The following COX7B2 variants were observed in gnomAD, a reference collection of about 807,000 sequenced individuals.
COX7B2 encodes cytochrome c oxidase subunit 7B2, also known as cytochrome c oxidase subunit 7B2, mitochondrial.
For synonymous variants in COX7B2, 37 were observed against 32.1 expected (o/e 1.15, Z -0.51); for missense variants, 109 against 95.9 (o/e 1.14, Z -0.57).
chr4:46,784,533 G>A (rs902551375), intron 2 of COX7B2, among the ~76,000 whole-genome samples: 8 of 152,296 alleles, frequency 5.3e-5, no homozygotes, highest in African/African-American at 1.4e-4. Context: ...GCTGAGGCAG[G>A]AGAATTGTTT....
chr4:46,884,384 G>A (rs1457631480), intron 1 of COX7B2, among the ~76,000 whole-genome samples: 1 of 152,114 alleles, frequency 6.6e-6, no homozygotes, highest in Non-Finnish European at 1.5e-5. Context: ...AAAAGTTTCT[G>A]TTCTCTAATG....
intron 2 of COX7B2, among the ~76,000 whole-genome samples, chr4:46,836,332 G>GT: frequency 6.6e-6 from 1 of 151,408 alleles, no homozygotes; most frequent in South Asian, 2.1e-4. Flanking sequence ...TATTCTATAC[G>GT]TTTTTTTCTC....
At chr4:46,758,742 A>G (rs1458343227) in intron 2 of COX7B2, among the ~76,000 whole-genome samples, 1 of 152,130 alleles carries the variant, frequency 6.6e-6, no homozygotes, top group Admixed American at 6.6e-5. Flanking sequence ...GCATTTACTC[A>G]AAGAGTATTT....
intron 1 of COX7B2, among the ~76,000 whole-genome samples, chr4:46,880,819 A>C (rs533370304): frequency 7.5e-6 from 1 of 132,854 alleles, no homozygotes; most frequent in African/African-American, 2.8e-5. Flanking sequence ...CAGGAAGGGG[A>C]ATATCACACT....
intron 1 of COX7B2, among the ~76,000 whole-genome samples, chr4:46,857,061 A>G (rs1424624043): frequency 6.6e-6 from 1 of 152,330 alleles, no homozygotes; most frequent in South Asian, 2.1e-4. Flanking sequence ...TCTTACATGC[A>G]CATCATAACT....
At chr4:46,801,197 T>C (rs748431634) in intron 2 of COX7B2, among the ~76,000 whole-genome samples, 1 of 152,052 alleles carries the variant, frequency 6.6e-6, no homozygotes, top group Non-Finnish European at 1.5e-5. Context: ...CCAAAGAACT[T>C]AGAACTACCA....
intron 1 of COX7B2, among the ~76,000 whole-genome samples, chr4:46,861,644 A>T (rs528483676): frequency 6.6e-6 from 1 of 152,360 alleles, no homozygotes; most frequent in Non-Finnish European, 1.5e-5. Context: ...AATTAGATTT[A>T]TTCTGTAGAA....
chr4:46,863,493 T>C (rs1474834856), intron 1 of COX7B2, among the ~76,000 whole-genome samples: 1 of 152,212 alleles, frequency 6.6e-6, no homozygotes, highest in Non-Finnish European at 1.5e-5. Flanking sequence ...TTCTAGAGAA[T>C]AGTCGCCCAT....
rs569731994 is a variant in COX7B2, at chr4:46,872,047, A to T, written c.-104-27033T>A. Among the ~76,000 whole-genome samples, 12 of 152,330 alleles carry T rather than the reference A, an allele frequency of 7.9e-5. No individual in the cohort carries two copies. In the South Asian group the frequency reaches 2.3e-3, roughly 29 times the overall value. Reference sequence around the variant, plus strand: ...GAAAGTTCATTACAGCACTATTCACAATAGCAAAGTCATGGAATCAATCTA... The same window carrying T: ...GAAAGTTCATTACAGCACTATTCACTATAGCAAAGTCATGGAATCAATCTA... On this transcript the variant is annotated intron_variant, in intron 1 of 2. Transcript: ENST00000355591.
At chr4:46,795,783 C>T (rs1404052736) in intron 2 of COX7B2, among the ~76,000 whole-genome samples, 1 of 17,616 alleles carries the variant, frequency 5.7e-5, no homozygotes, top group African/African-American at 2.7e-4. Context: ...CTGTAAATTA[C>T]CTTGGGCAGT....
At chr4:46,796,696 T>C (rs1718367465) in intron 2 of COX7B2, among the ~76,000 whole-genome samples, 1 of 40,340 alleles carries the variant, frequency 2.5e-5, no homozygotes, top group Admixed American at 3.4e-4. Context: ...CCAACCCAAA[T>C]GTCCAACAAT....
intron 1 of COX7B2, among the ~76,000 whole-genome samples, chr4:46,854,986 ATGT>A (rs1178979406): frequency 1.3e-5 from 2 of 152,094 alleles, no homozygotes; most frequent in African/African-American, 2.4e-5. Context: ...TTCTGTAATA[ATGT>A]TGTACTTTGT....
At chr4:46,879,040 C>T (rs1718532352) in intron 1 of COX7B2, among the ~76,000 whole-genome samples, 1 of 152,212 alleles carries the variant, frequency 6.6e-6, no homozygotes, top group Admixed American at 6.5e-5. Context: ...GACTGACTCT[C>T]AACTTACTAT....
chr4:46,753,777 A>G (rs1354604559), intron 2 of COX7B2, among the ~76,000 whole-genome samples: 1 of 152,012 alleles, frequency 6.6e-6, no homozygotes, highest in African/African-American at 2.4e-5. Context: ...TGAACAGGCA[A>G]CCTACAGAAT....
chr4:46,901,668 C>T (rs2109896704), intron 1 of COX7B2, among the ~76,000 whole-genome samples: 1 of 152,344 alleles, frequency 6.6e-6, no homozygotes, highest in South Asian at 2.1e-4. Context: ...GCTGCACCCT[C>T]ACTAATGCGG....
At chr4:46,896,099 C>A (rs1719739460) in intron 1 of COX7B2, among the ~76,000 whole-genome samples, 1 of 152,178 alleles carries the variant, frequency 6.6e-6, no homozygotes, top group Admixed American at 6.5e-5. Context: ...TTTGCCTAGA[C>A]TTGTGTCACT....
chr4:46,885,557 G>C lies in COX7B2; in HGVS notation c.-105+23603C>G, dbSNP rs143619068. On this transcript the variant is annotated intron_variant, in intron 1 of 2. Coordinates refer to ENST00000355591, the MANE Select transcript of COX7B2 (RefSeq NM_130902.3). ...CTATTCAAGAAACATCAGCTGACCA[G>C]TGATTATAGGCAGGATATTATACCT... is the stretch of plus-strand genomic sequence containing the variant. Among the ~76,000 whole-genome samples, 92 of 152,236 alleles carry C rather than the reference G, an allele frequency of 6.0e-4. 1 individual carries two copies. Among genetic ancestry groups the C allele is most frequent in the African/African-American group, 2.2e-3 (90 of 41,550 alleles).
chr4:46,884,842 G>T (rs1718977003), intron 1 of COX7B2, among the ~76,000 whole-genome samples: 1 of 149,050 alleles, frequency 6.7e-6, no homozygotes, highest in East Asian at 1.9e-4. Flanking sequence ...AGTTCTAAAT[G>T]TATTGAATAT....
intron 1 of COX7B2, among the ~76,000 whole-genome samples, chr4:46,907,159 T>TAA (rs978708025): frequency 2.0e-5 from 3 of 152,156 alleles, no homozygotes; most frequent in African/African-American, 7.2e-5. Flanking sequence ...AAGTAACAAC[T>TAA]AAACTCTTAA....
Sources: allele counts gnomAD v4.1 joint callset (sites outside exome capture counted in the v4.1 genomes callset), GRCh38; gene constraint gnomAD v4.1.1; transcripts MANE v1.5; gene names NCBI Gene and HGNC (gene_info 2026-07-23, HGNC 2026-07-21).